Variants in C4orf50 observed in about 807,000 individuals in gnomAD.
C4orf50 encodes the protein chromosome 4 open reading frame 50.
A neutral mutation model predicts 77.2 loss-of-function variants in C4orf50; 80 were observed. That is an observed-to-expected ratio of 1.04 (90% CI 0.87 to 1.25). The LOEUF (loss-of-function observed/expected upper bound fraction) is 1.25, where lower values mean the gene tolerates loss of function less well. Among genes scored for constraint, C4orf50 ranks in the 50% most tolerant of loss-of-function variants. The pLI is 0.00. For missense variants in C4orf50, 1,257 were observed against 1,152.9 expected, an observed-to-expected ratio of 1.09 and a Z score of -1.31; for synonymous variants, 532 against 465.3, an observed-to-expected ratio of 1.14 and a Z score of -1.84.
chr4:5,941,937 T>C (rs1024695154), intron 7 of C4orf50, among the ~76,000 whole-genome samples: 1 of 152,242 alleles, frequency 6.6e-6, no homozygotes, highest in Non-Finnish European at 1.5e-5. Flanking sequence ...TTTGTCTTTC[T>C]TGGGTTTTGG....
At chr4:5,945,352 G>GC (rs1718437390) in intron 7 of C4orf50, among the ~76,000 whole-genome samples, 1 of 152,210 alleles carries the variant, frequency 6.6e-6, no homozygotes, top group South Asian at 2.1e-4. Context: ...TAGAACCCAG[G>GC]CCCTGGCTGA....
At position 6,011,303 on chromosome 4, in the gene C4orf50, G is replaced by A. The variant is rs570445552; in HGVS notation, c.426+527C>T. ...TCACCCACTCCGTCCCCAGCACGGTGATATCCTCTGTGTTCTCCCACACCT... is the reference window on the plus strand; with the variant it reads ...TCACCCACTCCGTCCCCAGCACGGTAATATCCTCTGTGTTCTCCCACACCT... On this transcript the variant is annotated intron_variant, in intron 24 of 33. Coordinates refer to ENST00000531445, the Ensembl canonical transcript of C4orf50. The surrounding 1 kb of genome is among the most constrained non-coding windows in gnomAD (Gnocchi z 4.2). Among the ~76,000 whole-genome samples, 33 of 152,218 alleles carry A rather than the reference G, an allele frequency of 2.2e-4. No homozygotes were observed. In the South Asian group the frequency reaches 5.6e-3, roughly 26 times the overall value.
intron 7 of C4orf50, among the ~76,000 whole-genome samples, chr4:5,940,400 G>A (rs1186300074): frequency 6.6e-6 from 1 of 152,124 alleles, no homozygotes; most frequent in African/African-American, 2.4e-5. Context: ...CTTCCCCCAG[G>A]CCCTGATCTG....
chr4:5,974,265 C>T (rs931366219), intron 30 of C4orf50, among the ~76,000 whole-genome samples: 11 of 152,278 alleles, frequency 7.2e-5, no homozygotes, highest in African/African-American at 2.2e-4. Flanking sequence ...TCTCACATTT[C>T]GATAGCACTT....
At chr4:6,004,266 T>C (rs1409936071) in intron 25 of C4orf50, among the ~76,000 whole-genome samples, 1 of 63,160 alleles carries the variant, frequency 1.6e-5, no homozygotes, top group South Asian at 8.1e-4. Context: ...ATGGTGATGG[T>C]GGTGATGGTG....
chr4:5,926,375 C>T (rs1160060313), intron 7 of C4orf50, among the ~76,000 whole-genome samples: 2 of 152,164 alleles, frequency 1.3e-5, no homozygotes, highest in South Asian at 2.1e-4. Flanking sequence ...CCACGAAGGG[C>T]CCAGAGCAGA....
intron 32 of C4orf50, among the ~76,000 whole-genome samples, chr4:5,966,192 T>C (rs970892320): frequency 6.6e-6 from 1 of 152,176 alleles, no homozygotes; most frequent in African/African-American, 2.4e-5. Context: ...ATAATAAAAG[T>C]AGGCCGGGTG....
downstream of C4orf50, among the ~76,000 whole-genome samples, chr4:5,956,429 T>C (rs1239258402): frequency 6.6e-6 from 1 of 152,206 alleles, no homozygotes; most frequent in Admixed American, 6.5e-5. Flanking sequence ...GAGCAAACTC[T>C]GGAGGACAGG....
chr4:5,994,143 G>C (rs1161414598), intron 26 of C4orf50, among the ~76,000 whole-genome samples: 2 of 152,228 alleles, frequency 1.3e-5, no homozygotes, highest in Non-Finnish European at 2.9e-5. Flanking sequence ...CCCCTGGTGG[G>C]AGTTGCATAC....
At chr4:5,994,726 A>T (rs1236675208) in intron 25 of C4orf50, among the ~76,000 whole-genome samples, 1 of 152,214 alleles carries the variant, frequency 6.6e-6, no homozygotes, top group Admixed American at 6.5e-5. Flanking sequence ...GGCAGCGTTC[A>T]GTCCTCAGAG....
Position 5,901,546 on chromosome 4 carries a change from T to A in C4orf50, c.*2475-3358A>T, listed in dbSNP as rs1208825596. 1 of 152,172 alleles carries A rather than the reference T, an allele frequency of 6.6e-6. No individual in the cohort carries two copies. Among genetic ancestry groups the A allele is most frequent in the East Asian group, 1.9e-4 (1 of 5,190 alleles). The allele number at this position is 152,172 out of a possible 1,614,324, so 9.4% of individuals were successfully genotyped here. On this transcript the variant is annotated intron_variant, in intron 7 of 7. Coordinates refer to the C4orf50 transcript ENST00000324058. This position sits in a 1 kb window ranked among gnomAD's most constrained non-coding sequence, Gnocchi z 4.4. ...CTAGAAGAAAGTCAAATAACACCAA[T>A]CCTGTATATACATGTAGATCTTAAG...
intron 7 of C4orf50, among the ~76,000 whole-genome samples, chr4:5,909,828 C>T (rs534662816): frequency 7.2e-5 from 11 of 152,174 alleles, no homozygotes; most frequent in Non-Finnish European, 1.5e-4. Context: ...ATATGTGGAT[C>T]TGTCTCTGTG....
In C4orf50 at chr4:5,992,374, G is replaced by A. The variant is rs1721337809; in HGVS notation, c.1221+429C>T. Among the ~76,000 whole-genome samples, 1 of 152,070 alleles carries A rather than the reference G, an allele frequency of 6.6e-6. No individual in the cohort carries two copies. Among genetic ancestry groups the A allele is most frequent in the African/African-American group, 2.4e-5 (1 of 41,390 alleles). On this transcript the variant is annotated intron_variant, in intron 27 of 33. Transcript: ENST00000531445. The surrounding 1 kb of genome is among the most constrained non-coding windows in gnomAD (Gnocchi z 5.0). The stretch of plus-strand genomic sequence containing the variant: ...GAGCGAGCCATGGGAGGTGAGTTGG[G>A]ACGCAGGCTCCTGACCCTCAGGGCC...
intron 33 of C4orf50, among the ~76,000 whole-genome samples, chr4:5,961,058 A>C (rs1423185043): frequency 6.6e-6 from 1 of 152,252 alleles, no homozygotes; most frequent in East Asian, 1.9e-4. Flanking sequence ...AACAAGGACA[A>C]GGACAAGGAA....
At position 6,011,286 on chromosome 4, in the gene C4orf50, T is replaced by G. The variant is rs181154518; in HGVS notation, c.426+544A>C. Among the ~76,000 whole-genome samples, 619 of 152,192 alleles carry G rather than the reference T, an allele frequency of 4.1e-3. 7 individuals are homozygous for G. The highest frequency in any genetic ancestry group is 0.014 in the African/African-American group (591 of 41,528). On this transcript the variant is annotated intron_variant, in intron 24 of 33. Coordinates refer to ENST00000531445, the Ensembl canonical transcript of C4orf50. This position sits in a 1 kb window ranked among gnomAD's most constrained non-coding sequence, Gnocchi z 4.2. Reference sequence around the variant, plus strand: ...CTCTGGAACTTTCCGACTCACCCACTCCGTCCCCAGCACGGTGATATCCTC... The same window carrying G: ...CTCTGGAACTTTCCGACTCACCCACGCCGTCCCCAGCACGGTGATATCCTC...
intron 28 of C4orf50, among the ~76,000 whole-genome samples, chr4:5,981,769 T>C (rs553067433): frequency 6.6e-6 from 1 of 152,234 alleles, no homozygotes; most frequent in African/African-American, 2.4e-5. Context: ...ACAGCACTGC[T>C]AAAAGTTCCG....
chr4:5,897,765 G>A (rs1023952898), exon 8 of C4orf50: 1 of 152,228 alleles, frequency 6.6e-6, no homozygotes, highest in Non-Finnish European at 1.5e-5. Context: ...AGGGAGGGTT[G>A]AGCCCGACCC....
In C4orf50 at chr4:6,008,474, C is replaced by G; in HGVS notation, c.485G>C (p.Arg162Pro). ...CAGTGCCTCGTCCTTGCGCCGCAAC[C>G]GCTCCTGCAACCGCCGCAGCCGCCA... The change falls in exon 25 of 34, where the codon CGG becomes CCG. Residue 162 changes from arginine to proline, a missense_variant. Coordinates refer to ENST00000531445, the Ensembl canonical transcript of C4orf50. This position sits in a 1 kb window ranked among gnomAD's most constrained non-coding sequence, Gnocchi z 6.0. The G allele has an allele frequency of 2.5e-6, 1 of 397,820 alleles. No homozygotes were observed. Among genetic ancestry groups the G allele is most frequent in the Non-Finnish European group, 4.4e-6 (1 of 225,534 alleles). 24.6% of individuals were successfully genotyped at this position (397,820 alleles called of 1,614,324 possible). A position where few individuals can be genotyped will look rare whatever the true frequency, so the allele number is the denominator to read the frequency against.
At chr4:5,988,828 T>A (rs780282795) in exon 28 of C4orf50, 24 of 1,536,092 alleles carry the variant, frequency 1.6e-5, no homozygotes, top group East Asian at 4.9e-5. Flanking sequence ...TAGCACGATA[T>A]CCTTTATCAG....
Sources: allele counts gnomAD v4.1 joint callset (sites outside exome capture counted in the v4.1 genomes callset), GRCh38; gene constraint gnomAD v4.1.1; non-coding constraint Gnocchi (gnomAD v3.1); transcripts MANE v1.5; gene names NCBI Gene and HGNC (gene_info 2026-07-23, HGNC 2026-07-21).